Variants in GMDS observed in about 807,000 individuals in gnomAD.
GMDS encodes GDP-mannose 4,6 dehydratase.
Under a neutral mutation model 49.9 loss-of-function variants are expected in GMDS, and 20 were observed. That is an observed-to-expected ratio of 0.40 (90% CI 0.28 to 0.58). The LOEUF (loss-of-function observed/expected upper bound fraction) is 0.58. GMDS is among the 20% of genes least tolerant of loss of function. GMDS has a pLI of 0.42. For synonymous variants in GMDS, 177 were observed against 178.6 expected (o/e 0.99, Z 0.07); for missense variants, 362 against 481.4 (o/e 0.75, Z 2.32).
At chr6:2,104,774 T>C (rs1320429784) in intron 4 of GMDS, among the ~76,000 whole-genome samples, 1 of 152,210 alleles carries the variant, frequency 6.6e-6, no homozygotes, top group Admixed American at 6.5e-5. Flanking sequence ...GATGAACTTA[T>C]GCTTGAAAAA....
In GMDS at chr6:1,717,857, C is replaced by T. The variant is rs139405551; in HGVS notation, c.987+8559G>A. Among the ~76,000 whole-genome samples the T allele has an allele frequency of 5.8e-3, 889 of 152,212 alleles. 6 individuals carry two copies. The highest frequency in any genetic ancestry group is 0.017 in the Middle Eastern group (5 of 294). On this transcript the variant is annotated intron_variant, in intron 9 of 10. Transcript: ENST00000380815. Reference sequence around the variant, plus strand: ...TTTCATCTTTAAGAATTTGAAAATGCTTTGCAACCTGACTTCCAGGACATA... The same window carrying T: ...TTTCATCTTTAAGAATTTGAAAATGTTTTGCAACCTGACTTCCAGGACATA...
intron 4 of GMDS, among the ~76,000 whole-genome samples, chr6:1,978,082 G>A (rs538916716): frequency 5.9e-5 from 9 of 152,290 alleles, no homozygotes; most frequent in South Asian, 4.1e-4. Flanking sequence ...GAGACCAGAC[G>A]GAGCCCACGG....
At chr6:1,687,898 C>T (rs573810116) in intron 9 of GMDS, among the ~76,000 whole-genome samples, 4 of 152,080 alleles carry the variant, frequency 2.6e-5, no homozygotes, top group African/African-American at 4.8e-5. Context: ...ATGGAGAACA[C>T]TGTAAGCTGC....
chr6:1,845,217 C>A (rs1477307323), intron 7 of GMDS, among the ~76,000 whole-genome samples: 1 of 152,118 alleles, frequency 6.6e-6, no homozygotes, highest in Non-Finnish European at 1.5e-5. Flanking sequence ...CTCTATTGTA[C>A]ATTAAAAGTA....
At chr6:2,136,646 A>G (rs1356835889) in intron 1 of GMDS, among the ~76,000 whole-genome samples, 4 of 152,198 alleles carry the variant, frequency 2.6e-5, no homozygotes, top group Non-Finnish European at 4.4e-5. Flanking sequence ...CTTGTAGTCC[A>G]GAAGGTCAAG....
At chr6:1,916,957 T>G (rs979417317) in intron 7 of GMDS, among the ~76,000 whole-genome samples, 1 of 152,012 alleles carries the variant, frequency 6.6e-6, no homozygotes, top group African/African-American at 2.4e-5. Context: ...AGAATGGATA[T>G]CTTCTTCAAA....
At chr6:1,932,805 T>C (rs1230876999) in intron 6 of GMDS, among the ~76,000 whole-genome samples, 1 of 152,226 alleles carries the variant, frequency 6.6e-6, no homozygotes, top group Non-Finnish European at 1.5e-5. Context: ...CCGAAAGCAC[T>C]GGGATTACAG....
At chr6:1,895,020 T>TTA (rs1419493128) in intron 7 of GMDS, among the ~76,000 whole-genome samples, 3 of 152,216 alleles carry the variant, frequency 2.0e-5, no homozygotes, top group Non-Finnish European at 4.4e-5. Flanking sequence ...TAGAATTACT[T>TTA]TATATTCCTT....
chr6:1,676,991 C>A (rs987916648), intron 9 of GMDS, among the ~76,000 whole-genome samples: 5 of 152,002 alleles, frequency 3.3e-5, no homozygotes, highest in Non-Finnish European at 5.9e-5. Context: ...AGTGAACAGG[C>A]AACCCACAGA....
intron 4 of GMDS, among the ~76,000 whole-genome samples, chr6:2,019,573 C>A (rs1388242522): frequency 6.6e-6 from 1 of 152,010 alleles, no homozygotes; most frequent in Non-Finnish European, 1.5e-5. Context: ...CCTCAGCCTC[C>A]GAAGTAGTTG....
intron 4 of GMDS, among the ~76,000 whole-genome samples, chr6:2,030,366 C>A (rs1267210614): frequency 1.3e-5 from 2 of 152,122 alleles, no homozygotes; most frequent in African/African-American, 4.8e-5. Flanking sequence ...TTGTAAAGCA[C>A]CTGGAGGAAA....
At chr6:1,867,318 T>C (rs1325841470) in intron 7 of GMDS, among the ~76,000 whole-genome samples, 3 of 152,242 alleles carry the variant, frequency 2.0e-5, no homozygotes, top group Non-Finnish European at 4.4e-5. Context: ...GAAATTATTT[T>C]CCTTTGTGAA....
intron 7 of GMDS, among the ~76,000 whole-genome samples, chr6:1,828,152 T>C (rs1270781206): frequency 6.6e-6 from 1 of 150,714 alleles, no homozygotes; most frequent in Admixed American, 6.6e-5. Flanking sequence ...ATAAGTAAAA[T>C]GGAAAATACA....
intron 4 of GMDS, among the ~76,000 whole-genome samples, chr6:2,014,860 A>C (rs1767795064): frequency 6.6e-6 from 1 of 152,132 alleles, no homozygotes; most frequent in African/African-American, 2.4e-5. Context: ...CAGGTAGATC[A>C]AAAGTAAAGG....
intron 7 of GMDS, among the ~76,000 whole-genome samples, chr6:1,785,718 C>T (rs1769290086): frequency 2.0e-5 from 3 of 152,340 alleles, no homozygotes; most frequent in Admixed American, 2.0e-4. Context: ...GAAGGAGGCT[C>T]CATCTCCTGA....
rs187583960 is a variant in GMDS, at chr6:1,766,525, C to A, written c.772-23939G>T. ...TAACTCACTTTCTAATGAACAAAGT[C>A]GCTTACTTTGAAAAGTGATTTCTCT... is the stretch of plus-strand genomic sequence containing the variant. On this transcript the variant is annotated intron_variant, in intron 7 of 10. Transcript: ENST00000380815. The surrounding 1 kb of genome is among the most constrained non-coding windows in gnomAD (Gnocchi z 4.5). Among the ~76,000 whole-genome samples the A allele has an allele frequency of 6.6e-6, 1 of 152,098 alleles. No homozygotes were observed. The highest frequency in any genetic ancestry group is 1.9e-4 in the East Asian group (1 of 5,196).
rs373881709 is a variant in GMDS at position 2,019,536 on chromosome 6, C to A, written c.346-58570G>T. ...GGAGTGCAATGGCATGATCTCAGCT[C>A]ACTTCCAGGTTCAAGTGATTCTCCT... On this transcript the variant is annotated intron_variant, in intron 4 of 10. Coordinates refer to ENST00000380815, the MANE Select transcript of GMDS (RefSeq NM_001500.4). 3.9e-5 allele frequency among the ~76,000 whole-genome samples: 6 copies of A among 152,204 alleles called. No homozygotes were observed. In the East Asian group the frequency reaches 7.7e-4, roughly 20 times the overall value.
intron 7 of GMDS, among the ~76,000 whole-genome samples, chr6:1,768,312 G>A (rs77544968): frequency 0.025 from 3,850 of 152,204 alleles, 154 homozygotes; most frequent in African/African-American, 0.088. Context: ...TATTTAGAAC[G>A]ACAGTATAAT....
At chr6:1,929,011 A>G (rs1004871329) in intron 7 of GMDS, among the ~76,000 whole-genome samples, 1 of 150,578 alleles carries the variant, frequency 6.6e-6, no homozygotes, top group Non-Finnish European at 1.5e-5. Flanking sequence ...ATAGATCTAA[A>G]TGTTGCACTA....
Sources: gnomAD v4.1 joint callset for allele counts (sites outside exome capture counted in the v4.1 genomes callset) on GRCh38, gnomAD v4.1.1 for gene constraint, Gnocchi (gnomAD v3.1) non-coding constraint, MANE v1.5 for transcripts, NCBI Gene and HGNC (gene_info 2026-07-23, HGNC 2026-07-21) for gene names.